The following STKLD1 variants were observed in gnomAD, a reference collection of about 807,000 sequenced individuals.
STKLD1 encodes the protein serine/threonine kinase-like domain-containing protein STKLD1.
Under a neutral mutation model 80.4 loss-of-function variants are expected in STKLD1, and 79 were observed. The observed-to-expected ratio is 0.98, with a 90% CI of 0.82 to 1.19. The LOEUF (loss-of-function observed/expected upper bound fraction) is 1.19. STKLD1 is among the 50% of genes most tolerant of loss of function. The pLI, the probability that STKLD1 is intolerant of heterozygous loss-of-function variation, is 0.00. For synonymous variants in STKLD1, 393 were observed against 357.6 expected (o/e 1.10, Z -1.12); for missense variants, 841 against 856.0 (o/e 0.98, Z 0.22).
Position 133,394,266 on chromosome 9 carries a change from G to A in STKLD1, c.584-25G>A. ...GCCCCCAGGGAGCAAAGGACTCAGG[G>A]ATCCCACCTTGCTTTTACCAACAGA... On this transcript the variant is annotated intron_variant, in intron 7 of 17. Coordinates refer to ENST00000371957, the MANE Select transcript of STKLD1 (RefSeq NM_153710.5). The surrounding 1 kb of genome is among the most constrained non-coding windows in gnomAD (Gnocchi z 4.9). 2 of 1,525,660 alleles carry A rather than the reference G, an allele frequency of 1.3e-6. No individual in the cohort carries two copies. Among genetic ancestry groups the A allele is most frequent in the Non-Finnish European group, 1.8e-6 (2 of 1,099,562 alleles). The allele number at this position is 1,525,660 out of a possible 1,614,324, so 94.5% of individuals were successfully genotyped here. A position where few individuals can be genotyped will look rare whatever the true frequency, so the allele number is the denominator to read the frequency against.
Position 133,385,301 on chromosome 9 carries a change from C to A in STKLD1, c.220-316C>A, listed in dbSNP as rs1029112593. Among the ~76,000 whole-genome samples, 1 of 152,186 alleles carries A rather than the reference C, an allele frequency of 6.6e-6. No homozygotes were observed. The highest frequency in any genetic ancestry group is 2.4e-5 in the African/African-American group (1 of 41,448). ...CCAGCCAGCCCTGGCTGTGGCTGAT[C>A]CCCACCTTCCTGGCACTGCCTGCCA... is the stretch of plus-strand genomic sequence containing the variant. On this transcript the variant is annotated intron_variant, in intron 3 of 17. Coordinates refer to ENST00000371957, the MANE Select transcript of STKLD1 (RefSeq NM_153710.5). This position sits in a 1 kb window ranked among gnomAD's most constrained non-coding sequence, Gnocchi z 4.9.
chr9:133,386,918 G>A (rs980637787), intron 4 of STKLD1, among the ~76,000 whole-genome samples: 1 of 152,224 alleles, frequency 6.6e-6, no homozygotes, highest in South Asian at 2.1e-4. Context: ...GCTCCAGCGG[G>A]TCTTGGGGAG....
intron 9 of STKLD1, 130 bp from the exon 10 acceptor site, chr9:133,397,034 C>G (rs1213293826): frequency 2.9e-6 from 4 of 1,364,582 alleles, no homozygotes; most frequent in Non-Finnish European, 3.9e-6. Flanking sequence ...AAATGAATCC[C>G]AAAACAGGGA....
chr9:133,377,845 C>T (rs2130255695), intron 1 of STKLD1, among the ~76,000 whole-genome samples: 6 of 152,172 alleles, frequency 3.9e-5, no homozygotes, highest in African/African-American at 1.2e-4. Flanking sequence ...AATTACACAA[C>T]TCACCATAAT....
chr9:133,386,072 T>C (rs944923224), intron 4 of STKLD1, among the ~76,000 whole-genome samples: 1 of 152,036 alleles, frequency 6.6e-6, no homozygotes, highest in Non-Finnish European at 1.5e-5. Flanking sequence ...GCGCGTGCCA[T>C]GATGCCCGGC....
At position 133,405,455 on chromosome 9, in the gene STKLD1, G is replaced by C. The variant is rs78735634; in HGVS notation, c.*34G>C. 4,105 of 1,560,472 alleles carry C rather than the reference G, an allele frequency of 2.6e-3. 101 individuals carry two copies. In the African/African-American group the frequency reaches 0.049, roughly 19 times the overall value. ...ATGGAACTGACCTTGATCTCCACGTGTATAGTTTTCAAGACTGCTCTCCTG... is the reference window on the plus strand; with the variant it reads ...ATGGAACTGACCTTGATCTCCACGTCTATAGTTTTCAAGACTGCTCTCCTG... On this transcript the variant is annotated 3_prime_UTR_variant, in exon 18 of 18. Coordinates refer to ENST00000371957, the MANE Select transcript of STKLD1 (RefSeq NM_153710.5).
At position 133,395,626 on chromosome 9, in the gene STKLD1, G is replaced by T. The variant is rs1838539702; in HGVS notation, c.729G>T (p.Lys243Asn). The T allele has an allele frequency of 1.2e-6, 2 of 1,613,190 alleles. No individual in the cohort carries two copies. The highest frequency in any genetic ancestry group is 1.6e-4 in the Middle Eastern group (1 of 6,062). Residue 243 changes from lysine (K) to asparagine (N), a missense_variant, in exon 9 of 18, where the codon AAG (lysine) becomes AAT (asparagine). Lys to Asn is a moderately conservative substitution (Grantham distance 94). Coordinates refer to ENST00000371957, the MANE Select transcript of STKLD1 (RefSeq NM_153710.5). ...GCACAGAAGCCATGCATCTGCGGAA[G>T]TCCCTCCGCCAGAGCCCAGGCAGCC... is the stretch of plus-strand genomic sequence containing the variant. The part of the protein sequence containing the change: ...MDGTEAMHLR[K>N]SLRQSPGSLK...
At position 133,404,032 on chromosome 9, in the gene STKLD1, C is replaced by T. The variant is rs782456261; in HGVS notation, c.1716C>T (p.Ser572=). The T allele has an allele frequency of 1.2e-6, 2 of 1,606,724 alleles. No individual in the cohort carries two copies. The highest frequency in any genetic ancestry group is 2.2e-5 in the South Asian group (2 of 90,126). ...ACAATGCCTACCGGGGACTGGCCAGCCTGGTGAAGGTGTCAGGTGAGCCTG... is the reference window on the plus strand; with the variant it reads ...ACAATGCCTACCGGGGACTGGCCAGTCTGGTGAAGGTGTCAGGTGAGCCTG... The part of the protein sequence containing the change: ...LVNNAYRGLA[S]LVKVSELAAF... Residue 572 remains serine (S), a synonymous_variant, in exon 16 of 18, where the codon AGC becomes AGT. Coordinates refer to ENST00000371957, the MANE Select transcript of STKLD1 (RefSeq NM_153710.5).
At chr9:133,377,169 C>G (rs2130252979) in intron 1 of STKLD1, among the ~76,000 whole-genome samples, 2 of 152,028 alleles carry the variant, frequency 1.3e-5, no homozygotes, top group Non-Finnish European at 2.9e-5. Context: ...AGAGGTGAAG[C>G]AGATGAGCTT....
intron 2 of STKLD1, among the ~76,000 whole-genome samples, chr9:133,381,372 C>T (rs1189063649): frequency 6.6e-6 from 1 of 151,338 alleles, no homozygotes; most frequent in Non-Finnish European, 1.5e-5. Context: ...TGGTCTCGAA[C>T]TCCCGACCTC....
Position 133,390,741 on chromosome 9 carries a change from G to C in STKLD1, c.528G>C (p.Leu176=), listed in dbSNP as rs2130287198. 3.1e-6 allele frequency: 5 copies of C among 1,613,914 alleles called. No individual in the cohort carries two copies. The highest frequency in any genetic ancestry group is 4.2e-6 in the Non-Finnish European group (5 of 1,179,984). ...ISSDHCKLQD[L]SSNVLMTDKA... ...GTGACCACTGCAAACTGCAGGACCTGAGTTCCAATGTGCTAATGACAGACA... is the reference window on the plus strand; with the variant it reads ...GTGACCACTGCAAACTGCAGGACCTCAGTTCCAATGTGCTAATGACAGACA... The change falls in exon 7 of 18, where the codon CTG becomes CTC. Residue 176 remains leucine, a synonymous_variant. Transcript: ENST00000371957. This position sits in a 1 kb window ranked among gnomAD's most constrained non-coding sequence, Gnocchi z 5.1.
intron 16 of STKLD1, 29 bp from the exon 17 acceptor site, chr9:133,404,760 G>C: frequency 3.7e-6 from 6 of 1,608,320 alleles, no homozygotes; most frequent in Non-Finnish European, 4.2e-6. Flanking sequence ...GGAAAGCAGG[G>C]AATGAACCCA....
rs1391683872 is a variant in STKLD1, at chr9:133,404,034, T to G, written c.1718T>G (p.Leu573Arg). 1.9e-5 allele frequency: 31 copies of G among 1,606,002 alleles called. No individual in the cohort carries two copies. Among genetic ancestry groups the G allele is most frequent in the Non-Finnish European group, 2.5e-5 (29 of 1,176,420 alleles). The change falls in exon 16 of 18, where the codon CTG becomes CGG. Residue 573 changes from leucine to arginine, a missense_variant. Coordinates refer to ENST00000371957, the MANE Select transcript of STKLD1 (RefSeq NM_153710.5). ...VNNAYRGLAS[L>R]VKVSELAAFK... is the part of the protein sequence containing the mutation. ...AATGCCTACCGGGGACTGGCCAGCC[T>G]GGTGAAGGTGTCAGGTGAGCCTGGG...
At chr9:133,383,822 T>A in intron 2 of STKLD1, 34 bp from the exon 3 acceptor site, 4 of 1,610,874 alleles carry the variant, frequency 2.5e-6, no homozygotes, top group Non-Finnish European at 3.4e-6. Flanking sequence ...ATTTGCTACA[T>A]GTTTATTAAG....
chr9:133,379,682 G>A (rs1331750222), intron 2 of STKLD1, among the ~76,000 whole-genome samples: 6 of 152,240 alleles, frequency 3.9e-5, no homozygotes, highest in Non-Finnish European at 5.9e-5. Context: ...GCAGGGCATG[G>A]GGAGGTGTAG....
At position 133,389,683 on chromosome 9, in the gene STKLD1, C is replaced by T; in HGVS notation, c.467+87C>T. 6.3e-7 allele frequency: 1 copy of T among 1,577,672 alleles called. No homozygotes were observed. On this transcript the variant is annotated intron_variant, in intron 6 of 17. Coordinates refer to ENST00000371957, the MANE Select transcript of STKLD1 (RefSeq NM_153710.5). The surrounding 1 kb of genome is among the most constrained non-coding windows in gnomAD (Gnocchi z 6.4). The stretch of plus-strand genomic sequence containing the variant: ...CCACTCGGGTGCCAGTGCCCGTGGG[C>T]AGGATCTGGGGAGAAAGGTGCACCG...
rs2130288484 is a variant in STKLD1 at position 133,391,182 on chromosome 9, G to A, written c.583+386G>A. On this transcript the variant is annotated intron_variant, in intron 7 of 17. Transcript: ENST00000371957. The stretch of plus-strand genomic sequence containing the variant: ...CCGGCCAGCCGCCCCGTCCGGGAGG[G>A]AGGTGGGGGGCTCAGCCCCCCCGCC... 1.9e-4 allele frequency among the ~76,000 whole-genome samples: 28 copies of A among 151,058 alleles called. No individual in the cohort carries two copies. The South Asian group carries it at 5.8e-3, about 31-fold the overall frequency.
chr9:133,400,626 T>C, intron 12 of STKLD1, 97 bp downstream of exon 12: 1 of 1,000,378 alleles, frequency 1.0e-6, no homozygotes. Flanking sequence ...GCCGGGTGGG[T>C]TAGGGGAAGC....
Position 133,397,294 on chromosome 9 carries a change from G to C in STKLD1, c.997G>C (p.Glu333Gln). ...AGAAGGCAACGTGGCCAGCATTTTA[G>C]GTGATGCTGGGGACACAAAGGGGGA... is the stretch of plus-strand genomic sequence containing the variant. ...LLEGNVASIL[E>Q]VMQKFSGWPE... The change falls in exon 10 of 18, where the codon GAG (glutamate) becomes CAG (glutamine). Residue 333 changes from glutamate to glutamine, a missense_variant and splice_region_variant. Physicochemically the swap from Glu to Gln is conservative, Grantham distance 29 (BLOSUM62 2). Transcript: ENST00000371957. 1 of 1,613,192 alleles carries C rather than the reference G, an allele frequency of 6.2e-7. No homozygotes were observed. Among genetic ancestry groups the C allele is most frequent in the African/African-American group, 1.3e-5 (1 of 75,038 alleles).
Sources: gnomAD v4.1 joint callset for allele counts (sites outside exome capture counted in the v4.1 genomes callset) on GRCh38, gnomAD v4.1.1 for gene constraint, Gnocchi (gnomAD v3.1) non-coding constraint, MANE v1.5 for transcripts, NCBI Gene and HGNC (gene_info 2026-07-23, HGNC 2026-07-21) for gene names.